The following PDE11A variants were observed in gnomAD, a reference collection of about 807,000 sequenced individuals.
The protein encoded by PDE11A is phosphodiesterase 11A.
Under a neutral mutation model 100.5 loss-of-function variants are expected in PDE11A, and 100 were observed. That is an observed-to-expected ratio of 1.00 (90% confidence interval 0.85 to 1.18). The LOEUF (loss-of-function observed/expected upper bound fraction) is 1.18, where lower values mean the gene tolerates loss of function less well. Ranked by LOEUF, PDE11A falls within the 50% of genes most tolerant of loss-of-function variation. The probability of loss-of-function intolerance (pLI) is 0.00; values close to 1 mark genes in which losing one functional copy is unlikely to be tolerated. For synonymous variants in PDE11A, 381 were observed against 420.8 expected (o/e 0.91, Z 1.16); for missense variants, 1,141 against 1,152.6 (o/e 0.99, Z 0.15).
At chr2:177,791,502 G>A (rs1574146530) in intron 9 of PDE11A, among the ~76,000 whole-genome samples, 1 of 146,952 alleles carries the variant, frequency 6.8e-6, no homozygotes, top group African/African-American at 2.5e-5. Context: ...CTAACCTGCA[G>A]ATTGTGCACA....
At chr2:177,983,647 G>T (rs968294346) in intron 2 of PDE11A, among the ~76,000 whole-genome samples, 21 of 152,124 alleles carry the variant, frequency 1.4e-4, no homozygotes, top group Non-Finnish European at 2.1e-4. Flanking sequence ...ATAAATGCAT[G>T]AGAGTTTTGC....
intron 2 of PDE11A, among the ~76,000 whole-genome samples, chr2:177,942,770 CTAGTT>C (rs2085360380): frequency 1.3e-5 from 2 of 152,182 alleles, no homozygotes; most frequent in Non-Finnish European, 2.9e-5. Flanking sequence ...TTTTAAGTCT[CTAGTT>C]CAGTAGTCTA....
chr2:177,961,549 C>A (rs2085633372), intron 2 of PDE11A, among the ~76,000 whole-genome samples: 1 of 152,120 alleles, frequency 6.6e-6, no homozygotes, highest in Admixed American at 6.6e-5. Flanking sequence ...GAAACCAATT[C>A]CCACATTTTT....
chr2:177,896,424 G>T (rs1438645471), intron 4 of PDE11A, among the ~76,000 whole-genome samples: 1 of 152,234 alleles, frequency 6.6e-6, no homozygotes, highest in African/African-American at 2.4e-5. Flanking sequence ...TTACAAGTGA[G>T]CTAGCAAACA....
At chr2:178,078,221 T>G (rs1385776126) in intron 2 of PDE11A, among the ~76,000 whole-genome samples, 1 of 151,996 alleles carries the variant, frequency 6.6e-6, no homozygotes, top group Non-Finnish European at 1.5e-5. Context: ...AACACCTATT[T>G]CAAATGTCAC....
chr2:177,853,963 TACACAC>T (rs150868134), intron 5 of PDE11A, among the ~76,000 whole-genome samples: 2 of 146,838 alleles, frequency 1.4e-5, no homozygotes, highest in East Asian at 2.0e-4. Context: ...TATATGTGTA[TACACAC>T]ACACACACAC....
At chr2:177,676,295 C>T (rs929629064) in intron 16 of PDE11A, among the ~76,000 whole-genome samples, 3 of 152,192 alleles carry the variant, frequency 2.0e-5, no homozygotes, top group Non-Finnish European at 4.4e-5. Context: ...AAATAAGGCA[C>T]ACTCTGTCCC....
intron 1 of PDE11A, among the ~76,000 whole-genome samples, chr2:178,063,000 T>C (rs987412461): frequency 3.3e-5 from 5 of 152,368 alleles, no homozygotes; most frequent in South Asian, 2.1e-4. Context: ...GCTGCTAGAA[T>C]TGATTTAGTT....
At chr2:178,032,740 A>G (rs2086565073) in intron 1 of PDE11A, among the ~76,000 whole-genome samples, 1 of 152,174 alleles carries the variant, frequency 6.6e-6, no homozygotes, top group Non-Finnish European at 1.5e-5. Context: ...GCCTCCACTG[A>G]TGATACCCAG....
intron 5 of PDE11A, among the ~76,000 whole-genome samples, chr2:177,857,581 T>C (rs2083863379): frequency 6.6e-6 from 1 of 151,984 alleles, no homozygotes; most frequent in Admixed American, 6.6e-5. Flanking sequence ...AGTTTTTGTA[T>C]ACTATGGATA....
At chr2:177,980,975 TACACACACACACACACACAC>T (rs3073403) in intron 2 of PDE11A, among the ~76,000 whole-genome samples, 2 of 129,686 alleles carry the variant, frequency 1.5e-5, no homozygotes, top group South Asian at 2.9e-4. Flanking sequence ...GAGAACTAGA[TACACACACACACACACACAC>T]ACACACACAC....
chr2:177,945,334 G>A (rs1404709514), intron 2 of PDE11A, among the ~76,000 whole-genome samples: 1 of 146,740 alleles, frequency 6.8e-6, no homozygotes, highest in Admixed American at 6.7e-5. Flanking sequence ...TGGAAAGTGA[G>A]GAGCGTCTCC....
In PDE11A at chr2:177,657,533, A is replaced by C. The variant is rs73040813; in HGVS notation, c.2646+6333T>G. On this transcript the variant is annotated intron_variant, in intron 19 of 19. Coordinates refer to ENST00000286063, the MANE Select transcript of PDE11A (RefSeq NM_016953.4). ...AGTTAGATCTTCAAGTTTTACTACA[A>C]AGCTCTAGCAGGAAGAACACAGAGG... 6.6e-3 allele frequency among the ~76,000 whole-genome samples: 1,006 copies of C among 152,314 alleles called. 10 individuals carry two copies. Among genetic ancestry groups the C allele is most frequent in the African/African-American group, 0.023 (944 of 41,562 alleles).
chr2:177,831,088 A>G (rs1029951006), intron 6 of PDE11A, among the ~76,000 whole-genome samples: 2 of 152,218 alleles, frequency 1.3e-5, no homozygotes, highest in Non-Finnish European at 2.9e-5. Flanking sequence ...TCAAACAGGC[A>G]TTCAGAAGGC....
intron 9 of PDE11A, among the ~76,000 whole-genome samples, chr2:177,806,365 TCATA>T (rs1157403595): frequency 6.6e-6 from 1 of 152,120 alleles, no homozygotes; most frequent in East Asian, 1.9e-4. Flanking sequence ...AGGGAAATCT[TCATA>T]ATCTCTTTTT....
chr2:177,904,715 G>A (rs1459864343), intron 3 of PDE11A, among the ~76,000 whole-genome samples: 6 of 151,770 alleles, frequency 4.0e-5, no homozygotes, highest in East Asian at 3.9e-4. Context: ...CACCACGCCC[G>A]GCTAATTTTT....
chr2:177,963,220 A>G (rs894307107), intron 2 of PDE11A, among the ~76,000 whole-genome samples: 31 of 152,200 alleles, frequency 2.0e-4, no homozygotes, highest in African/African-American at 7.0e-4. Context: ...CTACTCAGAC[A>G]ATTTTTTCAC....
At chr2:177,717,021 A>G (rs553498150) in intron 12 of PDE11A, among the ~76,000 whole-genome samples, 30 of 152,302 alleles carry the variant, frequency 2.0e-4, no homozygotes, top group African/African-American at 6.5e-4. Flanking sequence ...TACTTTTAAG[A>G]ACATAACAGA....
chr2:178,007,779 A>G (rs2086228409), intron 2 of PDE11A, among the ~76,000 whole-genome samples: 1 of 152,140 alleles, frequency 6.6e-6, no homozygotes, highest in South Asian at 2.1e-4. Flanking sequence ...ATCTTGGCTC[A>G]CTGCAACCTC....
Sources: allele counts gnomAD v4.1 joint callset (sites outside exome capture counted in the v4.1 genomes callset), GRCh38; gene constraint gnomAD v4.1.1; transcripts MANE v1.5; gene names NCBI Gene and HGNC (gene_info 2026-07-23, HGNC 2026-07-21).